SEMA3D: variants seen among roughly 807,000 people sequenced by gnomAD.
SEMA3D encodes semaphorin-3D.
In SEMA3D, 84 loss-of-function variants were observed where a neutral mutation model predicts 100.1. That is an observed-to-expected ratio of 0.84 (90% CI 0.70 to 1.01). SEMA3D has a LOEUF of 1.01. SEMA3D is among the 50% of genes least tolerant of loss of function. SEMA3D has a pLI of 0.00. For synonymous variants in SEMA3D, 312 were observed against 320.7 expected (o/e 0.97, Z 0.29); for missense variants, 875 against 934.1 (o/e 0.94, Z 0.82).
intron 3 of SEMA3D, among the ~76,000 whole-genome samples, chr7:85,118,760 C>G (rs1789321087): frequency 6.6e-6 from 1 of 152,102 alleles, no homozygotes; most frequent in Non-Finnish European, 1.5e-5. Flanking sequence ...CAACTGTTGA[C>G]AGTTTCTTTT....
At chr7:85,186,378 T>C (rs1298314055) in intron 1 of SEMA3D, among the ~76,000 whole-genome samples, 2 of 152,054 alleles carry the variant, frequency 1.3e-5, no homozygotes, top group African/African-American at 2.4e-5. Context: ...GAGGAAAACT[T>C]TGTGCAGTGC....
chr7:85,204,487 G>A, the SEMA3D span, among the ~76,000 whole-genome samples: 233 of 152,226 alleles, frequency 1.5e-3, no homozygotes, highest in African/African-American at 5.4e-3. Flanking sequence ...CCAACCCAGT[G>A]TAAATCAGCT....
At chr7:85,050,842 C>A (rs1791144205) in intron 9 of SEMA3D, 1 of 426,094 alleles carries the variant, frequency 2.3e-6, no homozygotes, top group Non-Finnish European at 4.2e-6. Context: ...CTAACCTGCC[C>A]CTAACACTGC....
chr7:85,015,461 G>A (rs901744375), intron 15 of SEMA3D, among the ~76,000 whole-genome samples: 1 of 151,770 alleles, frequency 6.6e-6, no homozygotes, highest in African/African-American at 2.4e-5. Context: ...AGTAATTTCA[G>A]AAGGTCAAAA....
chr7:85,232,995 C>CAA, the SEMA3D span, among the ~76,000 whole-genome samples: 1 of 152,136 alleles, frequency 6.6e-6, no homozygotes, highest in Non-Finnish European at 1.5e-5. Flanking sequence ...CAACATCACA[C>CAA]AATCCTCTTT....
chr7:85,171,712 A>C (rs532787212), intron 1 of SEMA3D, among the ~76,000 whole-genome samples: 1 of 152,186 alleles, frequency 6.6e-6, no homozygotes, highest in African/African-American at 2.4e-5. Flanking sequence ...ATTTACTAAA[A>C]ATCTCACAGA....
chr7:85,066,894 A>ACG (rs1791637394), intron 7 of SEMA3D, among the ~76,000 whole-genome samples: 1 of 125,292 alleles, frequency 8.0e-6, no homozygotes, highest in African/African-American at 3.2e-5. Context: ...ATGTGCGCTC[A>ACG]CACACACACA....
intron 11 of SEMA3D, among the ~76,000 whole-genome samples, chr7:85,039,378 C>A (rs6468010): frequency 0.26 from 39,556 of 151,994 alleles, 5,229 homozygotes; most frequent in Non-Finnish European, 0.3. Context: ...CTGCCTCGGC[C>A]TCCTGAGTAG....
intron 1 of SEMA3D, among the ~76,000 whole-genome samples, chr7:85,173,107 AT>A (rs1791130064): frequency 6.6e-6 from 1 of 151,976 alleles, no homozygotes; most frequent in Non-Finnish European, 1.5e-5. Flanking sequence ...ATAACTATGC[AT>A]TGGGTTAAAA....
the SEMA3D span, among the ~76,000 whole-genome samples, chr7:85,214,967 A>C: frequency 6.6e-6 from 1 of 152,126 alleles, no homozygotes; most frequent in African/African-American, 2.4e-5. Context: ...AAAGAGTAGG[A>C]AAAATATTGT....
the SEMA3D span, among the ~76,000 whole-genome samples, chr7:85,207,537 G>C: frequency 6.6e-6 from 1 of 152,084 alleles, no homozygotes; most frequent in Non-Finnish European, 1.5e-5. Context: ...TTCCATTTCA[G>C]GAAATGTGTG....
In SEMA3D at chr7:85,146,716, G is replaced by A. The variant is rs141885684; in HGVS notation, c.-41+6892C>T. 2.9e-3 allele frequency among the ~76,000 whole-genome samples: 435 copies of A among 152,156 alleles called. 1 individual carries two copies. The highest frequency in any genetic ancestry group is 0.01 in the African/African-American group (422 of 41,520). ...ATGGAGAAATAAGACACAAGCACCAGTCTTCCGTTTACAAATATATCTTTC... is the reference window on the plus strand; with the variant it reads ...ATGGAGAAATAAGACACAAGCACCAATCTTCCGTTTACAAATATATCTTTC... On this transcript the variant is annotated intron_variant, in intron 2 of 18. Coordinates refer to ENST00000284136, the MANE Select transcript of SEMA3D (RefSeq NM_001384900.1).
chr7:84,997,303 T>G lies in SEMA3D; in HGVS notation c.*2137A>C, dbSNP rs1243655787. 2.0e-5 allele frequency: 3 copies of G among 152,108 alleles called. No individual in the cohort carries two copies. The highest frequency in any genetic ancestry group is 4.4e-5 in the Non-Finnish European group (3 of 67,958). The allele number at this position is 152,108 out of a possible 1,614,324, so 9.4% of individuals were successfully genotyped here. A position where few individuals can be genotyped will look rare whatever the true frequency, so the allele number is the denominator to read the frequency against. ...CATTACTGTCGGACCCACAAATATT[T>G]GGAAATTTTTTTTAAATTAAAAATG... On this transcript the variant is annotated 3_prime_UTR_variant, in exon 19 of 19. Transcript: ENST00000284136.
rs151256173 is a variant in SEMA3D, at chr7:85,090,457, G to C, written c.312+7348C>G. Among the ~76,000 whole-genome samples the C allele has an allele frequency of 5.7e-3, 872 of 152,070 alleles. 9 individuals carry two copies. Among genetic ancestry groups the C allele is most frequent in the Non-Finnish European group, 8.5e-3 (575 of 67,942 alleles). On this transcript the variant is annotated intron_variant, in intron 4 of 18. Coordinates refer to ENST00000284136, the MANE Select transcript of SEMA3D (RefSeq NM_001384900.1). ...AGATTAATCACATGAAACTAAGCAG[G>C]GTGTCTTATAGCAAAAGTTAATTTA...
intron 13 of SEMA3D, 38 bp downstream of exon 13, chr7:85,022,353 A>T: frequency 7.0e-7 from 1 of 1,435,796 alleles, no homozygotes; most frequent in Non-Finnish European, 9.8e-7. Context: ...ATAATGAAAA[A>T]TTCCTTTTGA....
At chr7:85,177,445 A>G (rs1320512087) in intron 1 of SEMA3D, among the ~76,000 whole-genome samples, 2 of 152,132 alleles carry the variant, frequency 1.3e-5, no homozygotes, top group Non-Finnish European at 2.9e-5. Context: ...AAAGAGAAAA[A>G]AAGAGTAAGT....
intron 1 of SEMA3D, among the ~76,000 whole-genome samples, chr7:85,178,406 A>G (rs185780060): frequency 3.3e-5 from 5 of 152,318 alleles, no homozygotes; most frequent in Admixed American, 2.0e-4. Context: ...AATGCTTATA[A>G]TGATATGAAC....
intron 2 of SEMA3D, chr7:85,142,132 T>C (rs190793417): frequency 3.0e-6 from 3 of 984,802 alleles, no homozygotes. Context: ...TAAGCAATTA[T>C]TGACATATAT....
At chr7:85,011,890 T>G (rs1241604361) in intron 17 of SEMA3D, among the ~76,000 whole-genome samples, 1 of 151,740 alleles carries the variant, frequency 6.6e-6, no homozygotes, top group Non-Finnish European at 1.5e-5. Flanking sequence ...ACATCACTGG[T>G]AGGGTGTTTA....
Sources: allele counts gnomAD v4.1 joint callset (sites outside exome capture counted in the v4.1 genomes callset), GRCh38; gene constraint gnomAD v4.1.1; transcripts MANE v1.5; gene names NCBI Gene and HGNC (gene_info 2026-07-23, HGNC 2026-07-21).